Variants in M1AP observed in about 807,000 individuals in gnomAD.
M1AP encodes the protein meiosis 1 associated protein.
Under a neutral mutation model 51.2 loss-of-function variants are expected in M1AP, and 39 were observed. The observed-to-expected ratio is 0.76, with a 90% CI of 0.59 to 1.00. The LOEUF is 1.00. M1AP is among the 50% of genes least tolerant of loss of function. M1AP has a pLI of 0.00. For synonymous variants in M1AP, 251 were observed against 249.2 expected (o/e 1.01, Z -0.07); for missense variants, 545 against 641.2 (o/e 0.85, Z 1.62).
intron 1 of M1AP, among the ~76,000 whole-genome samples, chr2:74,640,655 A>C (rs1034617788): frequency 6.6e-6 from 1 of 152,108 alleles, no homozygotes; most frequent in Non-Finnish European, 1.5e-5. Context: ...ATGGGGTTTC[A>C]CCATGTTGGC....
intron 4 of M1AP, among the ~76,000 whole-genome samples, chr2:74,597,477 C>T (rs925021547): frequency 1.3e-5 from 2 of 152,232 alleles, no homozygotes; most frequent in South Asian, 2.1e-4. Flanking sequence ...GGCTACCCAC[C>T]CCACCCCCAG....
intron 7 of M1AP, among the ~76,000 whole-genome samples, chr2:74,563,076 C>T (rs1254301753): frequency 6.6e-6 from 1 of 151,982 alleles, no homozygotes; most frequent in Non-Finnish European, 1.5e-5. Flanking sequence ...CCTGGAATGT[C>T]CAGAGAGGGT....
chr2:74,621,469 A>AT (rs1371776382), intron 2 of M1AP, among the ~76,000 whole-genome samples: 1 of 151,954 alleles, frequency 6.6e-6, no homozygotes, highest in Non-Finnish European at 1.5e-5. Flanking sequence ...TAAAATACAC[A>AT]TAAGACTTTG....
chr2:74,593,005 T>G (rs1680136004), intron 4 of M1AP, among the ~76,000 whole-genome samples: 1 of 152,214 alleles, frequency 6.6e-6, no homozygotes, highest in Non-Finnish European at 1.5e-5. Context: ...AATGCTCTAG[T>G]GCTGGGTATA....
chr2:74,631,285 T>C (rs1375401042), intron 2 of M1AP, among the ~76,000 whole-genome samples: 1 of 152,232 alleles, frequency 6.6e-6, no homozygotes, highest in Non-Finnish European at 1.5e-5. Context: ...TGTCTTGTCA[T>C]GATTAGGAAG....
At chr2:74,563,518 G>A (rs979361959) in intron 7 of M1AP, among the ~76,000 whole-genome samples, 5 of 150,732 alleles carry the variant, frequency 3.3e-5, no homozygotes, top group African/African-American at 1.2e-4. Flanking sequence ...AGAATTGCTT[G>A]TACCTGGGAG....
At chr2:74,616,959 TGA>T (rs1573153511) in intron 2 of M1AP, among the ~76,000 whole-genome samples, 1 of 152,238 alleles carries the variant, frequency 6.6e-6, no homozygotes, top group African/African-American at 2.4e-5. Context: ...CAACATGGGT[TGA>T]GTTTATTGCA....
In M1AP at chr2:74,582,031, G is replaced by T. The variant is rs1679437562; in HGVS notation, c.596-184C>A. 2.0e-5 allele frequency among the ~76,000 whole-genome samples: 3 copies of T among 152,184 alleles called. No individual in the cohort carries two copies. In the South Asian group the frequency reaches 6.2e-4, roughly 32 times the overall value. ...GCAGCCTCCAAATGCCTGGGCTCTA[G>T]CAATCTTCCTGCCTCAGCCTCCTGA... On this transcript the variant is annotated intron_variant, in intron 4 of 10. Coordinates refer to ENST00000421985, the MANE Select transcript of M1AP (RefSeq NM_001321739.2).
intron 4 of M1AP, among the ~76,000 whole-genome samples, chr2:74,597,725 A>C (rs1680424490): frequency 6.6e-6 from 1 of 152,232 alleles, no homozygotes; most frequent in Admixed American, 6.5e-5. Flanking sequence ...CAGCATCATT[A>C]GGTTGATTTG....
chr2:74,626,256 A>ATTTTTTTTT (rs1485849068), intron 2 of M1AP, among the ~76,000 whole-genome samples: 1 of 136,502 alleles, frequency 7.3e-6, no homozygotes, highest in African/African-American at 3.0e-5. Context: ...GCTATATTTC[A>ATTTTTTTTT]GTTTTTTTTT....
rs754112970 is a variant in M1AP, at chr2:74,576,418, G to A, written c.932+38C>T. ...CCTAGCCACAGAACCACTAAGAATA[G>A]CATTTGCATGGATTGGGGAGGTTCC... On this transcript the variant is annotated intron_variant, in intron 6 of 10. Transcript: ENST00000421985. The A allele has an allele frequency of 3.1e-6, 5 of 1,605,310 alleles. No homozygotes were observed. The South Asian group carries it at 5.5e-5, about 18-fold the overall frequency.
At position 74,640,159 on chromosome 2, in the gene M1AP, G is replaced by A; in HGVS notation, c.117C>T (p.Thr39=). 1.2e-6 allele frequency: 2 copies of A among 1,614,128 alleles called. No homozygotes were observed. The highest frequency in any genetic ancestry group is 1.7e-6 in the Non-Finnish European group (2 of 1,179,970). The change falls in exon 2 of 11, where the codon ACC becomes ACT. Residue 39 remains threonine, a synonymous_variant. Transcript: ENST00000421985. ...IALPSWADIC[T]NLCEALQNFF... Reference sequence around the variant, plus strand: ...AGTTCTGCAGAGCCTCACAGAGGTTGGTGCAGATGTCAGCCCAGGACGGTA... The same window carrying A: ...AGTTCTGCAGAGCCTCACAGAGGTTAGTGCAGATGTCAGCCCAGGACGGTA...
In M1AP at chr2:74,606,597, T is replaced by G. The variant is rs180872354; in HGVS notation, c.595+458A>C. Among the ~76,000 whole-genome samples, 312 of 151,962 alleles carry G rather than the reference T, an allele frequency of 2.1e-3. 1 individual carries two copies. The highest frequency in any genetic ancestry group is 7.3e-3 in the African/African-American group (300 of 41,334). On this transcript the variant is annotated intron_variant, in intron 4 of 10. Coordinates refer to ENST00000421985, the MANE Select transcript of M1AP (RefSeq NM_001321739.2). ...TTAAAATATTAAGAGAGTGTGTGTG[T>G]GTGCATATATATATATATATAAAAG...
intron 4 of M1AP, among the ~76,000 whole-genome samples, chr2:74,589,054 G>A (rs1015281006): frequency 2.0e-5 from 3 of 152,156 alleles, no homozygotes; most frequent in African/African-American, 7.2e-5. Context: ...ATAAAGGGGC[G>A]TGTGTGTGTG....
intron 3 of M1AP, among the ~76,000 whole-genome samples, chr2:74,613,424 G>T (rs1681485457): frequency 6.6e-6 from 1 of 152,206 alleles, no homozygotes; most frequent in South Asian, 2.1e-4. Flanking sequence ...GGGGAAGTAT[G>T]ATTAGGTCTC....
intron 7 of M1AP, among the ~76,000 whole-genome samples, chr2:74,573,661 T>C (rs879723212): frequency 6.6e-6 from 1 of 152,206 alleles, no homozygotes; most frequent in Non-Finnish European, 1.5e-5. Context: ...TTATAGTTCC[T>C]ATAACTTTTC....
chr2:74,576,979 T>G, intron 5 of M1AP: 10 of 930,830 alleles, frequency 1.1e-5, no homozygotes, highest in Non-Finnish European at 1.3e-5. Context: ...GTGGAGGAGG[T>G]AGCTAATGCC....
intron 9 of M1AP, 88 bp from the exon 10 acceptor site, chr2:74,559,797 C>A: frequency 2.8e-6 from 2 of 708,844 alleles, no homozygotes; most frequent in South Asian, 3.0e-5. Context: ...ATTAATTTCC[C>A]ATCCCTTGGG....
At chr2:74,639,718 A>C (rs1683183281) in intron 2 of M1AP, among the ~76,000 whole-genome samples, 1 of 152,252 alleles carries the variant, frequency 6.6e-6, no homozygotes, top group Admixed American at 6.5e-5. Context: ...GTGTGTTTAC[A>C]TTTCAAAGGG....
Sources: allele counts gnomAD v4.1 joint callset (sites outside exome capture counted in the v4.1 genomes callset), GRCh38; gene constraint gnomAD v4.1.1; transcripts MANE v1.5; gene names NCBI Gene and HGNC (gene_info 2026-07-23, HGNC 2026-07-21).